CCDC7: variants seen among roughly 807,000 people sequenced by gnomAD.
The protein encoded by CCDC7 is coiled-coil domain containing 7.
In CCDC7, 183 loss-of-function variants were observed where a neutral mutation model predicts 196.9. The observed-to-expected ratio is 0.93, with a 90% CI of 0.82 to 1.05. CCDC7 has a LOEUF of 1.05. CCDC7 is among the 50% of genes least tolerant of loss of function. The pLI is 0.00. For synonymous variants in CCDC7, 525 were observed against 484.6 expected, an observed-to-expected ratio of 1.08 and a Z score of -1.10; for missense variants, 1,540 against 1,482.2, an observed-to-expected ratio of 1.04 and a Z score of -0.64.
chr10:32,582,485 A>G (rs978995329), intron 16 of CCDC7, among the ~76,000 whole-genome samples: 1 of 152,062 alleles, frequency 6.6e-6, no homozygotes, highest in African/African-American at 2.4e-5. Flanking sequence ...GGGATTGTGC[A>G]TGCAAACTGT....
chr10:32,600,772 C>A (rs2060913681), intron 18 of CCDC7, among the ~76,000 whole-genome samples: 1 of 152,094 alleles, frequency 6.6e-6, no homozygotes, highest in African/African-American at 2.4e-5. Context: ...ATAAATGATA[C>A]AATAATATTG....
chr10:32,629,481 G>A (rs570089724), intron 18 of CCDC7, among the ~76,000 whole-genome samples: 6 of 152,116 alleles, frequency 3.9e-5, no homozygotes, highest in African/African-American at 1.2e-4. Flanking sequence ...TACAAAAGTC[G>A]GTCTCCTTGA....
intron 11 of CCDC7, among the ~76,000 whole-genome samples, chr10:32,537,634 T>C (rs1202876011): frequency 6.6e-6 from 1 of 152,208 alleles, no homozygotes; most frequent in Non-Finnish European, 1.5e-5. Context: ...TGGGTTTTCA[T>C]TTAAGTCTTT....
chr10:32,623,644 G>A lies in CCDC7; in HGVS notation c.1802-10610G>A, dbSNP rs892480309. Reference sequence around the variant, plus strand: ...TCAGATACTGCTTTAGTCCATCTGTGTTGACATAAGGAAATACTTGAGGCT... The same window carrying A: ...TCAGATACTGCTTTAGTCCATCTGTATTGACATAAGGAAATACTTGAGGCT... On this transcript the variant is annotated intron_variant, in intron 18 of 41. Transcript: ENST00000639629. The A allele has an allele frequency of 6.6e-6, 3 of 457,322 alleles. No individual in the cohort carries two copies. The Admixed American group carries it at 7.1e-5, about 11-fold the overall frequency. The allele number at this position is 457,322 out of a possible 1,614,324, so 28.3% of individuals were successfully genotyped here.
chr10:32,778,582 G>T (rs1171742148), intron 28 of CCDC7, among the ~76,000 whole-genome samples: 1 of 152,130 alleles, frequency 6.6e-6, no homozygotes, highest in Non-Finnish European at 1.5e-5. Context: ...GGTTACTGTA[G>T]CCCTGTAATA....
intron 25 of CCDC7, among the ~76,000 whole-genome samples, chr10:32,715,547 G>T (rs993053493): frequency 1.3e-5 from 2 of 152,162 alleles, no homozygotes; most frequent in African/African-American, 4.8e-5. Context: ...GAGAGAGAAT[G>T]AGTTTGACAA....
At chr10:32,571,940 C>A in intron 16 of CCDC7, 47 bp downstream of exon 17, 1 of 1,530,440 alleles carries the variant, frequency 6.5e-7, no homozygotes, top group East Asian at 2.4e-5. Flanking sequence ...TAATCTTTAT[C>A]AGTTCACATA....
intron 21 of CCDC7, among the ~76,000 whole-genome samples, chr10:32,666,409 G>T (rs904904094): frequency 1.3e-5 from 2 of 151,704 alleles, no homozygotes; most frequent in Non-Finnish European, 2.9e-5. Flanking sequence ...TACGTTCTAG[G>T]GTACATGTAC....
At chr10:32,587,369 A>C (rs1245912675) in intron 18 of CCDC7, among the ~76,000 whole-genome samples, 1 of 152,152 alleles carries the variant, frequency 6.6e-6, no homozygotes, top group Non-Finnish European at 1.5e-5. Context: ...ATCCCATGGC[A>C]GAAGGTGGAA....
At chr10:32,463,517 A>G in intron 5 of CCDC7, among the ~76,000 whole-genome samples, 1 of 152,174 alleles carries the variant, frequency 6.6e-6, no homozygotes, top group East Asian at 1.9e-4. Context: ...TTAGTTTGAG[A>G]ACTACTGGTC....
chr10:32,542,633 CAAAAAAAAAA>C, intron 11 of CCDC7, among the ~76,000 whole-genome samples: 1 of 87,946 alleles, frequency 1.1e-5, no homozygotes, highest in South Asian at 4.9e-4. Context: ...ACTCCCATCT[CAAAAAAAAAA>C]AAAAAAAAAA....
rs192177356 is a variant in CCDC7, at chr10:32,754,416, G to A, written c.2906-24561G>A. ...TTGACTACATAGGGAGATATTTCATGCTCATGAGTGAAAGACTCTTAAAAG... is the reference window on the plus strand; with the variant it reads ...TTGACTACATAGGGAGATATTTCATACTCATGAGTGAAAGACTCTTAAAAG... On this transcript the variant is annotated intron_variant, in intron 28 of 41. Transcript: ENST00000639629. 1.8e-4 allele frequency among the ~76,000 whole-genome samples: 27 copies of A among 152,196 alleles called. 1 individual carries two copies. Among genetic ancestry groups the A allele is most frequent in the Admixed American group, 1.7e-3 (26 of 15,272 alleles).
intron 16 of CCDC7, among the ~76,000 whole-genome samples, chr10:32,575,782 G>A (rs1380802005): frequency 6.6e-6 from 1 of 152,198 alleles, no homozygotes; most frequent in Admixed American, 6.5e-5. Flanking sequence ...CCTCACTGCT[G>A]TCTATCCTTT....
At chr10:32,738,462 G>T (rs2085241533) in intron 28 of CCDC7, among the ~76,000 whole-genome samples, 1 of 143,246 alleles carries the variant, frequency 7.0e-6, no homozygotes, top group African/African-American at 2.6e-5. Flanking sequence ...AATATAAAAT[G>T]GTTTCTTTCA....
At chr10:32,651,946 T>C (rs1426391615) in intron 20 of CCDC7, among the ~76,000 whole-genome samples, 1 of 152,212 alleles carries the variant, frequency 6.6e-6, no homozygotes, top group East Asian at 1.9e-4. Flanking sequence ...ATGGCAATGC[T>C]TCTGCTCTGT....
intron 11 of CCDC7, among the ~76,000 whole-genome samples, chr10:32,525,611 G>A (rs886713349): frequency 7.9e-5 from 12 of 152,156 alleles, no homozygotes; most frequent in African/African-American, 2.9e-4. Flanking sequence ...GCTTGTAGAT[G>A]TTTATAAGGG....
intron 28 of CCDC7, among the ~76,000 whole-genome samples, chr10:32,759,681 TG>T (rs2077102579): frequency 6.6e-6 from 1 of 152,210 alleles, no homozygotes; most frequent in Non-Finnish European, 1.5e-5. Context: ...GACATAGGCA[TG>T]GGCAAGGACT....
At chr10:32,471,940 A>G (rs1198086327) in intron 6 of CCDC7, among the ~76,000 whole-genome samples, 1 of 152,136 alleles carries the variant, frequency 6.6e-6, no homozygotes, top group Admixed American at 6.6e-5. Flanking sequence ...GCTGTGTACT[A>G]GCGATTTTTG....
At chr10:32,630,427 T>C (rs1026061180) in intron 18 of CCDC7, among the ~76,000 whole-genome samples, 8 of 152,088 alleles carry the variant, frequency 5.3e-5, no homozygotes, top group African/African-American at 1.7e-4. Flanking sequence ...CTTCCTTCCT[T>C]AATATAAGGT....
Sources: gnomAD v4.1 joint callset for allele counts (sites outside exome capture counted in the v4.1 genomes callset) on GRCh38, gnomAD v4.1.1 for gene constraint, MANE v1.5 for transcripts, NCBI Gene and HGNC (gene_info 2026-07-23, HGNC 2026-07-21) for gene names.